INPP5A: variants seen among roughly 807,000 people sequenced by gnomAD.
INPP5A encodes the protein 43 kDa inositol polyphosphate 5-phophatase.
In INPP5A, 14 loss-of-function variants were observed where a neutral mutation model predicts 65.2. The ratio of observed to expected loss-of-function variants is 0.21; its 90% confidence interval spans 0.14 to 0.34. The LOEUF is 0.34. Ranked by LOEUF, INPP5A falls within the 10% of genes least tolerant of loss-of-function variation. INPP5A has a pLI of 1.00. For synonymous variants in INPP5A, 207 were observed against 208.3 expected, an observed-to-expected ratio of 0.99 and a Z score of 0.05; for missense variants, 431 against 545.6, an observed-to-expected ratio of 0.79 and a Z score of 2.09.
rs1278673344 is a variant in INPP5A, at chr10:132,705,248, C to T, written c.475-3065C>T. On this transcript the variant is annotated intron_variant, in intron 6 of 15. Coordinates refer to ENST00000368594, the MANE Select transcript of INPP5A (RefSeq NM_005539.5). This position sits in a 1 kb window ranked among gnomAD's most constrained non-coding sequence, Gnocchi z 4.9. ...GGCTCCCCGGGGCAAATGGCCTCCCCGAGAGAGGAGGCGGACATGTTTGGA... is the reference window on the plus strand; with the variant it reads ...GGCTCCCCGGGGCAAATGGCCTCCCTGAGAGAGGAGGCGGACATGTTTGGA... 3.9e-5 allele frequency among the ~76,000 whole-genome samples: 6 copies of T among 152,194 alleles called. No individual in the cohort carries two copies. The highest frequency in any genetic ancestry group is 1.9e-4 in the East Asian group (1 of 5,186).
At position 132,706,099 on chromosome 10, in the gene INPP5A, A is replaced by G. The variant is rs577998674; in HGVS notation, c.475-2214A>G. On this transcript the variant is annotated intron_variant, in intron 6 of 15. Transcript: ENST00000368594. The surrounding 1 kb of genome is among the most constrained non-coding windows in gnomAD (Gnocchi z 4.7). Reference sequence around the variant, plus strand: ...AGAAACATTAAACATTCTGCATTAGAAATTACAGAACAGATTCTAGACTAG... The same window carrying G: ...AGAAACATTAAACATTCTGCATTAGGAATTACAGAACAGATTCTAGACTAG... 1.1e-3 allele frequency among the ~76,000 whole-genome samples: 164 copies of G among 152,392 alleles called. 2 individuals carry two copies. The highest frequency in any genetic ancestry group is 3.8e-3 in the African/African-American group (160 of 41,598).
intron 4 of INPP5A, 23 bp from the exon 5 acceptor site, chr10:132,690,365 CATTT>C: frequency 6.9e-7 from 1 of 1,445,796 alleles, no homozygotes; most frequent in Non-Finnish European, 9.7e-7. Flanking sequence ...ACCAGTCTCT[CATTT>C]GATTTCTCTT....
In INPP5A at chr10:132,616,030, G is replaced by T. The variant is rs2072027623; in HGVS notation, c.117+8074G>T. ...GTGATGGGCTTCACCCTCTGTAGCT[G>T]CCGGTTCCGGGTCCTGTGGGGAGCG... is the stretch of plus-strand genomic sequence containing the variant. On this transcript the variant is annotated intron_variant, in intron 2 of 15. Coordinates refer to ENST00000368594, the MANE Select transcript of INPP5A (RefSeq NM_005539.5). This position sits in a 1 kb window ranked among gnomAD's most constrained non-coding sequence, Gnocchi z 4.9. Among the ~76,000 whole-genome samples the T allele has an allele frequency of 6.6e-6, 1 of 152,236 alleles. No individual in the cohort carries two copies. The highest frequency in any genetic ancestry group is 1.5e-5 in the Non-Finnish European group (1 of 68,036).
At chr10:132,734,699 T>A (rs952879946) in intron 9 of INPP5A, among the ~76,000 whole-genome samples, 4 of 152,186 alleles carry the variant, frequency 2.6e-5, no homozygotes, top group African/African-American at 9.6e-5. Context: ...CCCGGGGCAG[T>A]GGGTTTGCCT....
chr10:132,569,497 C>T (rs779202163), intron 1 of INPP5A, among the ~76,000 whole-genome samples: 7 of 152,118 alleles, frequency 4.6e-5, no homozygotes, highest in Non-Finnish European at 1.0e-4. Flanking sequence ...GCTGGGTTTA[C>T]AGGAATGTGC....
intron 8 of INPP5A, among the ~76,000 whole-genome samples, chr10:132,720,808 T>G (rs1845858756): frequency 6.6e-6 from 1 of 150,790 alleles, no homozygotes; most frequent in South Asian, 2.1e-4. Context: ...CTTAGATGGC[T>G]GTCTTGCGGG....
intron 9 of INPP5A, among the ~76,000 whole-genome samples, chr10:132,738,692 G>C (rs1846221391): frequency 6.6e-6 from 1 of 152,260 alleles, no homozygotes; most frequent in African/African-American, 2.4e-5. Context: ...CAGGCTGCTG[G>C]AGTCCGGGAG....
At chr10:132,552,688 A>G (rs1322207913) in intron 1 of INPP5A, among the ~76,000 whole-genome samples, 1 of 144,260 alleles carries the variant, frequency 6.9e-6, no homozygotes, top group Non-Finnish European at 1.5e-5. Context: ...GGGAGGGAGG[A>G]TTGGTGAACG....
chr10:132,697,945 C>T lies in INPP5A; in HGVS notation c.474+26C>T, dbSNP rs200438753. 3.1e-5 allele frequency: 45 copies of T among 1,469,122 alleles called. No individual in the cohort carries two copies. The South Asian group carries it at 4.4e-4, about 14-fold the overall frequency. 91.0% of individuals were successfully genotyped at this position (1,469,122 alleles called of 1,614,324 possible). A position where few individuals can be genotyped will look rare whatever the true frequency, so the allele number is the denominator to read the frequency against. ...GTACGTAGCGAGGCTTTCTCACTGA[C>T]GTGTTTACTTCTCAGAGTGAGCCAG... On this transcript the variant is annotated intron_variant, in intron 6 of 15. Transcript: ENST00000368594. The surrounding 1 kb of genome is among the most constrained non-coding windows in gnomAD (Gnocchi z 5.6).
In INPP5A at chr10:132,771,866, C is replaced by T. The variant is rs1846961402; in HGVS notation, c.978-5805C>T. Among the ~76,000 whole-genome samples, 2 of 109,370 alleles carry T rather than the reference C, an allele frequency of 1.8e-5. 1 individual carries two copies. The highest frequency in any genetic ancestry group is 1.8e-4 in the Admixed American group (2 of 11,394). The allele number at this position is 109,370 out of a possible 152,430, so 71.8% of individuals were successfully genotyped here. A position where few individuals can be genotyped will look rare whatever the true frequency, so the allele number is the denominator to read the frequency against. Reference sequence around the variant, plus strand: ...ACTGACACGGAGGCCACAGCAGCCACCCCGCGAAGAGTGGGACAGACACTC... The same window carrying T: ...ACTGACACGGAGGCCACAGCAGCCATCCCGCGAAGAGTGGGACAGACACTC... On this transcript the variant is annotated intron_variant, in intron 12 of 15. Coordinates refer to ENST00000368594, the MANE Select transcript of INPP5A (RefSeq NM_005539.5).
chr10:132,595,318 G>C (rs546929350), intron 1 of INPP5A, among the ~76,000 whole-genome samples: 1 of 149,378 alleles, frequency 6.7e-6, no homozygotes, highest in Non-Finnish European at 1.5e-5. Context: ...TGTGAGGTGT[G>C]ATTTATTTTG....
intron 9 of INPP5A, among the ~76,000 whole-genome samples, chr10:132,746,192 C>T (rs998846657): frequency 1.3e-5 from 2 of 152,224 alleles, no homozygotes; most frequent in East Asian, 1.9e-4. Flanking sequence ...GCTGGCTGTG[C>T]GTGCGGTGCC....
chr10:132,572,965 G>C (rs1314723638), intron 1 of INPP5A, among the ~76,000 whole-genome samples: 2 of 151,970 alleles, frequency 1.3e-5, no homozygotes, highest in African/African-American at 4.8e-5. Context: ...ATGTTGGGGT[G>C]TACGTGCCGT....
Position 132,614,745 on chromosome 10 carries a change from C to G in INPP5A, c.117+6789C>G, listed in dbSNP as rs372723095. On this transcript the variant is annotated intron_variant, in intron 2 of 15. Transcript: ENST00000368594. ...GGTGGTGGCCTCAGGAGGCCTGGCT[C>G]TGGGGGCCGATGAGATCGCAAGGAG... Among the ~76,000 whole-genome samples the G allele has an allele frequency of 1.0e-3, 154 of 152,364 alleles. 1 individual carries two copies. In the South Asian group the frequency reaches 0.01, roughly 10 times the overall value.
intron 2 of INPP5A, among the ~76,000 whole-genome samples, chr10:132,611,854 GA>G (rs1203117531): frequency 9.0e-5 from 13 of 144,446 alleles, no homozygotes; most frequent in South Asian, 2.2e-4. Context: ...GGCCCCGTCA[GA>G]GGAGGGTGTG....
In INPP5A at chr10:132,720,201, G is replaced by T. The variant is rs188542778; in HGVS notation, c.648-6620G>T. ...GGGCACCTTAGACGGCTGTCTTGTG[G>T]GTTCTGTGGCACCTGGGTTCTGTCT... On this transcript the variant is annotated intron_variant, in intron 8 of 15. Coordinates refer to ENST00000368594, the MANE Select transcript of INPP5A (RefSeq NM_005539.5). 5.6e-3 allele frequency among the ~76,000 whole-genome samples: 848 copies of T among 150,262 alleles called. 8 individuals carry two copies. The highest frequency in any genetic ancestry group is 0.02 in the African/African-American group (800 of 40,604).
intron 5 of INPP5A, among the ~76,000 whole-genome samples, chr10:132,695,746 G>C (rs1428839910): frequency 6.6e-6 from 1 of 152,184 alleles, no homozygotes; most frequent in Non-Finnish European, 1.5e-5. Flanking sequence ...AATACCATTT[G>C]CTTAAGCACA....
intron 11 of INPP5A, among the ~76,000 whole-genome samples, chr10:132,756,579 G>T (rs1041845125): frequency 6.6e-6 from 1 of 152,328 alleles, no homozygotes; most frequent in East Asian, 1.9e-4. Flanking sequence ...TGAAGGAGCC[G>T]CTGCGCCGCC....
intron 2 of INPP5A, among the ~76,000 whole-genome samples, chr10:132,638,351 C>T (rs565033534): frequency 6.6e-6 from 1 of 152,160 alleles, no homozygotes; most frequent in East Asian, 1.9e-4. Flanking sequence ...GAATCTTCAG[C>T]CTCCGGACTT....
Sources: allele counts gnomAD v4.1 joint callset (sites outside exome capture counted in the v4.1 genomes callset), GRCh38; gene constraint gnomAD v4.1.1; non-coding constraint Gnocchi (gnomAD v3.1); transcripts MANE v1.5; gene names NCBI Gene and HGNC (gene_info 2026-07-23, HGNC 2026-07-21).